Variants in DSCAML1 observed in about 807,000 individuals in gnomAD.
The protein encoded by DSCAML1 is DS cell adhesion molecule like 1.
DSCAML1 carries 38 observed loss-of-function variants against 200.5 expected under a neutral mutation model. The ratio of observed to expected loss-of-function variants is 0.19; its 90% CI spans 0.15 to 0.25. DSCAML1 has a LOEUF of 0.25. Ranked by LOEUF, DSCAML1 falls within the 10% of genes least tolerant of loss-of-function variation. DSCAML1 has a pLI of 1.00. For missense variants in DSCAML1, 2,223 were observed against 2,858.8 expected, an observed-to-expected ratio of 0.78 and a Z score of 5.07; for synonymous variants, 1,215 against 1,165.0, an observed-to-expected ratio of 1.04 and a Z score of -0.87.
intron 14 of DSCAML1, among the ~76,000 whole-genome samples, chr11:117,475,167 G>A (rs991418425): frequency 1.3e-5 from 2 of 151,938 alleles, no homozygotes; most frequent in African/African-American, 2.4e-5. Flanking sequence ...AGCTCTCCAC[G>A]TGCTCAGCAT....
At chr11:117,461,724 C>T in intron 17 of DSCAML1, 128 bp from the exon 18 acceptor site, 1 of 810,852 alleles carries the variant, frequency 1.2e-6, no homozygotes, top group South Asian at 1.7e-5. Flanking sequence ...AGTGGGGGGA[C>T]CTCCTGACTT....
intron 1 of DSCAML1, among the ~76,000 whole-genome samples, chr11:117,807,452 G>A (rs984463255): frequency 6.6e-6 from 1 of 152,220 alleles, no homozygotes; most frequent in Admixed American, 6.5e-5. Flanking sequence ...CCCAGCCTAA[G>A]AGCAAGAAGG....
At chr11:117,706,999 C>G (rs56230479) in intron 3 of DSCAML1, among the ~76,000 whole-genome samples, 7 of 152,180 alleles carry the variant, frequency 4.6e-5, no homozygotes, top group African/African-American at 1.7e-4. Context: ...CCCAGACACA[C>G]AAGCACCCAG....
chr11:117,501,061 G>A (rs961515583), intron 11 of DSCAML1, among the ~76,000 whole-genome samples: 3 of 152,154 alleles, frequency 2.0e-5, no homozygotes, highest in African/African-American at 7.2e-5. Context: ...GAGGGATGAC[G>A]AGGAATGGTT....
intron 14 of DSCAML1, among the ~76,000 whole-genome samples, chr11:117,474,828 T>C (rs939467131): frequency 1.4e-4 from 21 of 151,604 alleles, no homozygotes; most frequent in Admixed American, 4.6e-4. Flanking sequence ...GATCTCGGCT[T>C]ACTGCAAGCT....
At position 117,504,060 on chromosome 11, in the gene DSCAML1, T is replaced by G; in HGVS notation, c.2183-39A>C. On this transcript the variant is annotated intron_variant, in intron 10 of 32. Coordinates refer to ENST00000651296, the MANE Select transcript of DSCAML1 (RefSeq NM_020693.4). The surrounding 1 kb of genome is among the most constrained non-coding windows in gnomAD (Gnocchi z 5.0). ...GCTGTTAGGAGGGCTGAGTCTGCACTGGGGCATAAGCTGAGAGTGCCCCAG... is the reference window on the plus strand; with the variant it reads ...GCTGTTAGGAGGGCTGAGTCTGCACGGGGGCATAAGCTGAGAGTGCCCCAG... 1 of 1,606,170 alleles carries G rather than the reference T, an allele frequency of 6.2e-7. No homozygotes were observed.
At chr11:117,680,178 G>C (rs2053287631) in intron 3 of DSCAML1, among the ~76,000 whole-genome samples, 1 of 152,192 alleles carries the variant, frequency 6.6e-6, no homozygotes, top group Non-Finnish European at 1.5e-5. Context: ...CTGTCCTCCT[G>C]AGCTAGAATG....
In DSCAML1 at chr11:117,540,050, C is replaced by G. The variant is rs563787797; in HGVS notation, c.512-7528G>C. Among the ~76,000 whole-genome samples, 43 of 152,290 alleles carry G rather than the reference C, an allele frequency of 2.8e-4. 1 individual carries two copies. The highest frequency in any genetic ancestry group is 9.9e-4 in the African/African-American group (41 of 41,550). ...AAAAGGCAAATATGGCATGATTCTA[C>G]TTTACTTATAGGAAGTATTGGAGTT... On this transcript the variant is annotated intron_variant, in intron 3 of 32. Transcript: ENST00000651296.
At chr11:117,617,838 G>T (rs1427364751) in intron 3 of DSCAML1, among the ~76,000 whole-genome samples, 1 of 152,068 alleles carries the variant, frequency 6.6e-6, no homozygotes, top group African/African-American at 2.4e-5. Flanking sequence ...TACACTCTGT[G>T]CCTCCCCTCG....
chr11:117,603,744 T>G lies in DSCAML1; in HGVS notation c.512-71222A>C, dbSNP rs528444922. On this transcript the variant is annotated intron_variant, in intron 3 of 32. Coordinates refer to ENST00000651296, the MANE Select transcript of DSCAML1 (RefSeq NM_020693.4). Reference sequence around the variant, plus strand: ...TCATTCTGGGTAATGAAGACTACTCTGAGAGTTACTAAGAGATGCCAAAAT... The same window carrying G: ...TCATTCTGGGTAATGAAGACTACTCGGAGAGTTACTAAGAGATGCCAAAAT... 9.2e-5 allele frequency among the ~76,000 whole-genome samples: 14 copies of G among 152,316 alleles called. No homozygotes were observed. In the South Asian group the frequency reaches 2.9e-3, roughly 32 times the overall value.
intron 3 of DSCAML1, among the ~76,000 whole-genome samples, chr11:117,644,619 TTCAAGAGCCTATTTGTAGCTG>T (rs1416277856): frequency 6.6e-6 from 1 of 152,204 alleles, no homozygotes; most frequent in Admixed American, 6.5e-5. Context: ...ATTAAATACG[TTCAAGAGCCTATTTGTAGCTG>T]TCAGGGAGAA....
intron 8 of DSCAML1, among the ~76,000 whole-genome samples, chr11:117,510,617 G>A (rs2137290145): frequency 6.6e-6 from 1 of 152,196 alleles, no homozygotes; most frequent in African/African-American, 2.4e-5. Context: ...CATCTCTGGG[G>A]TATTTACCGT....
Position 117,516,558 on chromosome 11 carries a change from C to T in DSCAML1, c.1692G>A (p.Val564=). The T allele has an allele frequency of 6.2e-7, 1 of 1,614,084 alleles. No homozygotes were observed. The highest frequency in any genetic ancestry group is 8.5e-7 in the Non-Finnish European group (1 of 1,180,022). ...FENGTLKLTD[V]QKGMDEGEYL... ...ACTCCCCCTCATCCATGCCCTTCTG[C>T]ACGTCAGTCAGCTTGAGGGTCCCAT... Residue 564 remains valine (V), a synonymous_variant, in exon 8 of 33, where the codon GTG becomes GTA. Coordinates refer to ENST00000651296, the MANE Select transcript of DSCAML1 (RefSeq NM_020693.4). This position sits in a 1 kb window ranked among gnomAD's most constrained non-coding sequence, Gnocchi z 5.7.
chr11:117,744,744 C>T (rs1241239029), intron 3 of DSCAML1, among the ~76,000 whole-genome samples: 1 of 152,252 alleles, frequency 6.6e-6, no homozygotes, highest in African/African-American at 2.4e-5. Flanking sequence ...AGGGGACTCT[C>T]CATCCAGCAT....
intron 1 of DSCAML1, among the ~76,000 whole-genome samples, chr11:117,788,220 G>A (rs1047475984): frequency 1.3e-5 from 2 of 152,200 alleles, no homozygotes; most frequent in Admixed American, 6.5e-5. Flanking sequence ...TGCCTGTGAT[G>A]TCCACCCAAT....
chr11:117,523,273 G>A (rs1565763586), intron 5 of DSCAML1, among the ~76,000 whole-genome samples: 1 of 152,084 alleles, frequency 6.6e-6, no homozygotes, highest in East Asian at 1.9e-4. Context: ...TGACCTATTT[G>A]GAGAGAAAGA....
intron 3 of DSCAML1, among the ~76,000 whole-genome samples, chr11:117,610,228 C>T (rs2051660472): frequency 6.6e-6 from 1 of 152,188 alleles, no homozygotes; most frequent in Non-Finnish European, 1.5e-5. Flanking sequence ...CTGCTCTTTT[C>T]CTGTTGAGTC....
rs116941106 is a variant in DSCAML1 at position 117,464,319 on chromosome 11, G to A, written c.3265+623C>T. Among the ~76,000 whole-genome samples the A allele has an allele frequency of 9.1e-3, 1,380 of 152,176 alleles. 12 individuals carry two copies. The highest frequency in any genetic ancestry group is 0.058 in the Middle Eastern group (17 of 292). On this transcript the variant is annotated intron_variant, in intron 17 of 32. Coordinates refer to ENST00000651296, the MANE Select transcript of DSCAML1 (RefSeq NM_020693.4). ...CATGTCCTTTTTCTCAACCTGGTGCGGGCTCAGGTACCAGCTGGCATCTTC... is the reference window on the plus strand; with the variant it reads ...CATGTCCTTTTTCTCAACCTGGTGCAGGCTCAGGTACCAGCTGGCATCTTC...
At chr11:117,672,980 G>C (rs2053141853) in intron 3 of DSCAML1, among the ~76,000 whole-genome samples, 1 of 152,168 alleles carries the variant, frequency 6.6e-6, no homozygotes, top group Non-Finnish European at 1.5e-5. Context: ...CCTCCAGGAA[G>C]CCTCCCCAGA....
Sources: allele counts gnomAD v4.1 joint callset (sites outside exome capture counted in the v4.1 genomes callset), GRCh38; gene constraint gnomAD v4.1.1; non-coding constraint Gnocchi (gnomAD v3.1); transcripts MANE v1.5; gene names NCBI Gene and HGNC (gene_info 2026-07-23, HGNC 2026-07-21).